RCOR1: variants seen among roughly 807,000 people sequenced by gnomAD.
The protein encoded by RCOR1 is REST corepressor 1.
A neutral mutation model predicts 64.0 loss-of-function variants in RCOR1; 12 were observed. The ratio of observed to expected loss-of-function variants is 0.19; its 90% CI spans 0.12 to 0.30. The LOEUF is 0.30. Among genes scored for constraint, RCOR1 ranks in the 10% least tolerant of loss-of-function variants. The pLI is 1.00. For synonymous variants in RCOR1, 279 were observed against 227.2 expected (o/e 1.23, Z -2.05); for missense variants, 502 against 621.2 (o/e 0.81, Z 2.04).
At chr14:102,640,045 A>G (rs1894334882) in intron 2 of RCOR1, among the ~76,000 whole-genome samples, 1 of 152,178 alleles carries the variant, frequency 6.6e-6, no homozygotes, top group South Asian at 2.1e-4. Flanking sequence ...GCGTTTCACC[A>G]TGTTAGTCAG....
chr14:102,621,279 T>C (rs1893865720), intron 2 of RCOR1, among the ~76,000 whole-genome samples: 1 of 152,094 alleles, frequency 6.6e-6, no homozygotes, highest in Non-Finnish European at 1.5e-5. Flanking sequence ...GACACGAATT[T>C]CTGATTTAAA....
intron 1 of RCOR1, 35 bp from the exon 2 acceptor site, chr14:102,593,231 G>T: frequency 2.0e-6 from 3 of 1,487,982 alleles, no homozygotes; most frequent in East Asian, 2.9e-5. Context: ...CGCGCCCCGC[G>T]CCGCGCTGAC....
intron 2 of RCOR1, among the ~76,000 whole-genome samples, chr14:102,663,611 G>C (rs548339182): frequency 1.3e-5 from 2 of 152,206 alleles, no homozygotes; most frequent in South Asian, 2.1e-4. Context: ...TCAGACTGTA[G>C]CTTCAGGGCT....
chr14:102,622,226 C>A (rs1418744386), intron 2 of RCOR1, among the ~76,000 whole-genome samples: 1 of 152,092 alleles, frequency 6.6e-6, no homozygotes, highest in Non-Finnish European at 1.5e-5. Context: ...TTTATTGGCT[C>A]CTTAAAATCA....
chr14:102,707,967 C>CTT (rs35272192), intron 5 of RCOR1, among the ~76,000 whole-genome samples: 10 of 127,258 alleles, frequency 7.9e-5, no homozygotes, highest in Non-Finnish European at 1.3e-4. Flanking sequence ...TTTTTTGTAT[C>CTT]TTTTTTTTTT....
intron 4 of RCOR1, among the ~76,000 whole-genome samples, chr14:102,706,127 A>AAAAC: frequency 6.7e-6 from 1 of 148,352 alleles, no homozygotes; most frequent in South Asian, 2.1e-4. Flanking sequence ...AAAAAAAAAA[A>AAAAC]AAAAAAAAAA....
chr14:102,726,342 AAAG>A (rs1287142725), intron 11 of RCOR1, 123 bp from the exon 12 acceptor site: 3 of 838,492 alleles, frequency 3.6e-6, no homozygotes, highest in African/African-American at 1.8e-5. Flanking sequence ...AAAAAAAAAA[AAAG>A]AACTCGGTGT....
intron 2 of RCOR1, among the ~76,000 whole-genome samples, chr14:102,651,637 G>A (rs570569603): frequency 2.0e-5 from 3 of 152,252 alleles, no homozygotes; most frequent in Admixed American, 2.0e-4. Context: ...TTATATTTAT[G>A]TATCTTATTT....
At chr14:102,599,808 G>GT (rs1555460975) in intron 2 of RCOR1, among the ~76,000 whole-genome samples, 1,418 of 41,704 alleles carry the variant, frequency 0.034, 24 homozygotes, top group African/African-American at 0.083. Context: ...GTTTTGTTTT[G>GT]TTTTTTTTTT....
intron 2 of RCOR1, among the ~76,000 whole-genome samples, chr14:102,596,179 G>A (rs777208268): frequency 3.3e-5 from 5 of 151,332 alleles, no homozygotes; most frequent in Non-Finnish European, 5.9e-5. Flanking sequence ...TGGGCTCACC[G>A]CAACCTCTGC....
chr14:102,684,688 T>A (rs1311589381), intron 3 of RCOR1, among the ~76,000 whole-genome samples: 8 of 151,770 alleles, frequency 5.3e-5, no homozygotes, highest in Non-Finnish European at 1.2e-4. Context: ...CACCCAGAGG[T>A]GATAATCGTT....
chr14:102,639,536 T>C (rs969622694), intron 2 of RCOR1, among the ~76,000 whole-genome samples: 5 of 147,856 alleles, frequency 3.4e-5, no homozygotes, highest in Non-Finnish European at 7.4e-5. Flanking sequence ...TTTATTTATT[T>C]ATTTATTTAT....
intron 2 of RCOR1, among the ~76,000 whole-genome samples, chr14:102,616,232 G>A (rs868130966): frequency 7.5e-6 from 1 of 132,776 alleles, no homozygotes; most frequent in Non-Finnish European, 1.5e-5. Context: ...GTGTGTGTGT[G>A]TGTGTGTGTG....
chr14:102,600,376 G>GTGAT (rs1185533575), intron 2 of RCOR1, among the ~76,000 whole-genome samples: 1 of 151,408 alleles, frequency 6.6e-6, no homozygotes, highest in African/African-American at 2.4e-5. Context: ...CGCCCAGCCA[G>GTGAT]TGATTGATTG....
At position 102,726,932 on chromosome 14, in the gene RCOR1, G is replaced by A. The variant is rs915195378; in HGVS notation, c.*426G>A. The A allele has an allele frequency of 3.5e-5, 6 of 170,864 alleles. No homozygotes were observed. The highest frequency in any genetic ancestry group is 2.5e-5 in the Non-Finnish European group (2 of 80,930). 10.6% of individuals were successfully genotyped at this position (170,864 alleles called of 1,614,324 possible). ...GCATAGAGTCATTTTCAGAGTCACC[G>A]CGACCCTGTTGGCCTTCTAGAAAGT... On this transcript the variant is annotated 3_prime_UTR_variant, in exon 12 of 12. Coordinates refer to ENST00000262241, the MANE Select transcript of RCOR1 (RefSeq NM_015156.4).
At chr14:102,604,686 G>A (rs1250087745) in intron 2 of RCOR1, among the ~76,000 whole-genome samples, 1 of 152,148 alleles carries the variant, frequency 6.6e-6, no homozygotes, top group Admixed American at 6.6e-5. Context: ...GGATCAACAA[G>A]ATAGACTGTT....
chr14:102,680,622 A>G (rs1298951493), intron 2 of RCOR1, among the ~76,000 whole-genome samples: 4 of 152,198 alleles, frequency 2.6e-5, no homozygotes, highest in African/African-American at 7.2e-5. Flanking sequence ...CCTGGCCAAT[A>G]TGATGAAACC....
At chr14:102,669,277 C>G (rs1236256069) in intron 2 of RCOR1, among the ~76,000 whole-genome samples, 1 of 150,412 alleles carries the variant, frequency 6.6e-6, no homozygotes, top group Non-Finnish European at 1.5e-5. Context: ...CCACTGCACT[C>G]CAGCCTAGGC....
chr14:102,701,274 T>C lies in RCOR1; in HGVS notation c.446-4T>C. The C allele has an allele frequency of 1.2e-6, 2 of 1,612,658 alleles. No individual in the cohort carries two copies. The highest frequency in any genetic ancestry group is 1.7e-6 in the Non-Finnish European group (2 of 1,178,780). On this transcript the variant is annotated splice_polypyrimidine_tract_variant and splice_region_variant and intron_variant, in intron 3 of 11. Coordinates refer to ENST00000262241, the MANE Select transcript of RCOR1 (RefSeq NM_015156.4). ...GTTTAATGGCATCTCTTCTTGTTTT[T>C]CAGTGGATGAATACATTGCCATTGC...
Sources: allele counts gnomAD v4.1 joint callset (sites outside exome capture counted in the v4.1 genomes callset), GRCh38; gene constraint gnomAD v4.1.1; transcripts MANE v1.5; gene names NCBI Gene and HGNC (gene_info 2026-07-23, HGNC 2026-07-21).